Variants in DOCK10 observed in about 807,000 individuals in gnomAD.
DOCK10 encodes dedicator of cytokinesis 10.
DOCK10 carries 145 observed loss-of-function variants against 280.1 expected under a neutral mutation model. That is an observed-to-expected ratio of 0.52 (90% CI 0.45 to 0.59). The LOEUF is 0.59. Among genes scored for constraint, DOCK10 ranks in the 20% least tolerant of loss-of-function variants. The pLI, the probability that DOCK10 is intolerant of heterozygous loss-of-function variation, is 0.00. For synonymous variants in DOCK10, 915 were observed against 942.2 expected (o/e 0.97, Z 0.53); for missense variants, 2,368 against 2,651.7 (o/e 0.89, Z 2.35).
chr2:224,785,292 CT>C (rs71774747), intron 50 of DOCK10, among the ~76,000 whole-genome samples: 1,819 of 148,660 alleles, frequency 0.012, 32 homozygotes, highest in African/African-American at 0.039. Context: ...TCTAAATTTG[CT>C]TTTTTTTTTG....
intron 2 of DOCK10, among the ~76,000 whole-genome samples, chr2:224,928,832 A>C (rs961516672): frequency 1.3e-5 from 2 of 152,218 alleles, no homozygotes; most frequent in African/African-American, 4.8e-5. Flanking sequence ...AGCCCAGATG[A>C]ACTTTTAATA....
At chr2:224,809,848 T>A (rs527691916) in intron 31 of DOCK10, among the ~76,000 whole-genome samples, 4 of 151,932 alleles carry the variant, frequency 2.6e-5, no homozygotes, top group Non-Finnish European at 5.9e-5. Context: ...TGGGTATACA[T>A]CCAAAAGAAT....
At chr2:224,773,777 G>A (rs1690621195) in intron 52 of DOCK10, among the ~76,000 whole-genome samples, 1 of 151,874 alleles carries the variant, frequency 6.6e-6, no homozygotes, top group Non-Finnish European at 1.5e-5. Context: ...GACTACAGGT[G>A]TGCGCCACCA....
Position 224,886,154 on chromosome 2 carries a change from C to T in DOCK10, c.521G>A (p.Gly174Asp). The change falls in exon 6 of 56, where the codon GGT (glycine) becomes GAT (aspartate). Residue 174 changes from glycine to aspartate, a missense_variant. Physicochemically the swap from Gly to Asp is moderately conservative, Grantham distance 94. Coordinates refer to ENST00000258390, the MANE Select transcript of DOCK10 (RefSeq NM_014689.3). Reference sequence around the variant, plus strand: ...AACACCAGTTCCTCCCGCTCCTCCACCCCCCTTGGAAGACGAGTGGGAAGT... The same window carrying T: ...AACACCAGTTCCTCCCGCTCCTCCATCCCCCTTGGAAGACGAGTGGGAAGT... ...DTTSHSSSKGGGGAGGTGVFK... is the reference protein window; with the variant it reads ...DTTSHSSSKGDGGAGGTGVFK... 6.2e-7 allele frequency: 1 copy of T among 1,613,328 alleles called. No homozygotes were observed. Among genetic ancestry groups the T allele is most frequent in the African/African-American group, 1.3e-5 (1 of 74,944 alleles).
At chr2:224,965,918 A>G (rs1452918496) in intron 1 of DOCK10, among the ~76,000 whole-genome samples, 1 of 152,218 alleles carries the variant, frequency 6.6e-6, no homozygotes, top group African/African-American at 2.4e-5. Context: ...CAATTCAACC[A>G]CGTCTCTTAT....
Position 224,770,142 on chromosome 2 carries a change from CCTT to C in DOCK10, c.6444+66_6444+68del. On this transcript the variant is annotated intron_variant, in intron 55 of 55. Transcript: ENST00000258390. This position sits in a 1 kb window ranked among gnomAD's most constrained non-coding sequence, Gnocchi z 4.5. ...AGCAAGAAAAGGGCCTCTTTCCTGT[CCTT>C]CTGGCATTGGGAGCGAAAGGGACTT... 7.0e-7 allele frequency: 1 copy of C among 1,419,630 alleles called. No individual in the cohort carries two copies. The highest frequency in any genetic ancestry group is 1.4e-5 in the African/African-American group (1 of 69,548). 87.9% of individuals were successfully genotyped at this position (1,419,630 alleles called of 1,614,324 possible).
In DOCK10 at chr2:224,852,964, T is replaced by C; in HGVS notation, c.2047A>G (p.Lys683Glu). 1 of 1,606,626 alleles carries C rather than the reference T, an allele frequency of 6.2e-7. No homozygotes were observed. Among genetic ancestry groups the C allele is most frequent in the Non-Finnish European group, 8.5e-7 (1 of 1,175,684 alleles). Residue 683 changes from lysine to glutamate, a missense_variant, in exon 17 of 56, where the codon AAG (lysine) becomes GAG (glutamate). This residue lies in a region of DOCK10 where 1,209 missense variants were observed against 1,250.9 expected (regional missense o/e 0.97). Coordinates refer to ENST00000258390, the MANE Select transcript of DOCK10 (RefSeq NM_014689.3). The stretch of plus-strand genomic sequence containing the variant: ...TTGAAGCATTTCTGGCTATCATACT[T>C]GAGGTGTTTGGGGTAAATATAAATT... ...NQIYIYPKHL[K>E]YDSQKCFNKA... is the part of the protein sequence containing the mutation.
intron 55 of DOCK10, among the ~76,000 whole-genome samples, chr2:224,766,349 A>T (rs1690079515): frequency 6.6e-6 from 1 of 152,220 alleles, no homozygotes; most frequent in Non-Finnish European, 1.5e-5. Flanking sequence ...AGACACTTTT[A>T]AAATATATTT....
intron 19 of DOCK10, among the ~76,000 whole-genome samples, chr2:224,848,981 T>A (rs1406478536): frequency 6.6e-6 from 1 of 152,142 alleles, no homozygotes; most frequent in Non-Finnish European, 1.5e-5. Flanking sequence ...AAATTTTAAT[T>A]TTTTTAGTTG....
chr2:224,774,588 T>C lies in DOCK10; in HGVS notation c.6013+317A>G, dbSNP rs75786382. On this transcript the variant is annotated intron_variant, in intron 52 of 55. Transcript: ENST00000258390. ...ATAAGAGCTGTTAACCCTGAAACAA[T>C]TGAAGGTAGACTCAGAGAGGAAAGT... Among the ~76,000 whole-genome samples, 1,173 of 152,274 alleles carry C rather than the reference T, an allele frequency of 7.7e-3. 14 individuals carry two copies. The highest frequency in any genetic ancestry group is 0.027 in the African/African-American group (1,134 of 41,564).
intron 4 of DOCK10, among the ~76,000 whole-genome samples, chr2:224,888,484 ATG>A (rs1270578189): frequency 6.6e-6 from 1 of 151,236 alleles, no homozygotes; most frequent in Non-Finnish European, 1.5e-5. Context: ...GTGTGAATAC[ATG>A]TGTGTGTATA....
intron 1 of DOCK10, among the ~76,000 whole-genome samples, chr2:225,036,867 G>T (rs536026319): frequency 6.6e-6 from 1 of 151,160 alleles, no homozygotes; most frequent in African/African-American, 2.4e-5. Context: ...TGGTCCCAAT[G>T]ACTTACATCT....
intron 1 of DOCK10, among the ~76,000 whole-genome samples, chr2:225,017,056 C>A (rs1382106298): frequency 6.7e-6 from 1 of 148,778 alleles, no homozygotes; most frequent in Non-Finnish European, 1.5e-5. Flanking sequence ...TAAACTCAAG[C>A]CTCTTATATT....
intron 1 of DOCK10, among the ~76,000 whole-genome samples, chr2:225,007,125 G>A (rs544932256): frequency 1.1e-4 from 16 of 152,142 alleles, no homozygotes; most frequent in African/African-American, 3.1e-4. Context: ...CAGCTCTTAC[G>A]AAAGAAAAAG....
At chr2:224,854,259 G>C (rs1574942025) in intron 16 of DOCK10, among the ~76,000 whole-genome samples, 1 of 149,812 alleles carries the variant, frequency 6.7e-6, no homozygotes, top group South Asian at 2.1e-4. Context: ...GTCACTAAAG[G>C]GTAGAATCAG....
At chr2:224,825,830 T>C (rs1171987527) in intron 27 of DOCK10, among the ~76,000 whole-genome samples, 1 of 152,136 alleles carries the variant, frequency 6.6e-6, no homozygotes, top group Non-Finnish European at 1.5e-5. Flanking sequence ...GGGAGTGAGA[T>C]GGTGGCACAC....
chr2:225,006,492 T>TA (rs753042633), intron 1 of DOCK10, among the ~76,000 whole-genome samples: 12 of 152,320 alleles, frequency 7.9e-5, no homozygotes, highest in Non-Finnish European at 1.6e-4. Flanking sequence ...TTTTTGCACT[T>TA]AGAGTTCCTC....
At chr2:224,858,714 T>C (rs1448101950) in intron 14 of DOCK10, among the ~76,000 whole-genome samples, 1 of 152,220 alleles carries the variant, frequency 6.6e-6, no homozygotes, top group Non-Finnish European at 1.5e-5. Context: ...TTTACATAGA[T>C]GGTTTTGTGA....
At position 224,932,583 on chromosome 2, in the gene DOCK10, G is replaced by T. The variant is rs76941381; in HGVS notation, c.124-915C>A. ...CTAAGTGAAAAGCGGTGGTCCTCTGGGTTATTTTGGGGCTCCTAGAAGCTT... is the reference window on the plus strand; with the variant it reads ...CTAAGTGAAAAGCGGTGGTCCTCTGTGTTATTTTGGGGCTCCTAGAAGCTT... On this transcript the variant is annotated intron_variant, in intron 1 of 55. Coordinates refer to ENST00000258390, the MANE Select transcript of DOCK10 (RefSeq NM_014689.3). 2.8e-4 allele frequency among the ~76,000 whole-genome samples: 42 copies of T among 152,164 alleles called. 1 individual carries two copies. The East Asian group carries it at 8.1e-3, about 29-fold the overall frequency.
Sources: allele counts gnomAD v4.1 joint callset (sites outside exome capture counted in the v4.1 genomes callset), GRCh38; gene constraint gnomAD v4.1.1; regional missense constraint gnomAD v4.1.1; non-coding constraint Gnocchi (gnomAD v3.1); transcripts MANE v1.5; gene names NCBI Gene and HGNC (gene_info 2026-07-23, HGNC 2026-07-21).